The following PPP1R12A variants were observed in gnomAD, a reference collection of about 807,000 sequenced individuals.
The protein encoded by PPP1R12A is protein phosphatase 1 regulatory subunit 12A, also known as myosin binding subunit.
Under a neutral mutation model 139.6 loss-of-function variants are expected in PPP1R12A, and 19 were observed. The ratio of observed to expected loss-of-function variants is 0.14; its 90% CI spans 0.09 to 0.20. PPP1R12A has a LOEUF of 0.20. Ranked by LOEUF, PPP1R12A falls within the 10% of genes least tolerant of loss-of-function variation. PPP1R12A has a pLI of 1.00. For missense variants in PPP1R12A, 925 were observed against 1,211.5 expected (o/e 0.76, Z 3.51); for synonymous variants, 427 against 420.6 (o/e 1.02, Z -0.19).
At chr12:79,913,850 T>A (rs1186981658) in intron 1 of PPP1R12A, 1 of 152,180 alleles carries the variant, frequency 6.6e-6, no homozygotes, top group Non-Finnish European at 1.5e-5. Flanking sequence ...GCTCAGTGTT[T>A]CTCTTAGCCC....
At chr12:79,922,444 A>G (rs1286614489) in intron 1 of PPP1R12A, among the ~76,000 whole-genome samples, 1 of 152,188 alleles carries the variant, frequency 6.6e-6, no homozygotes, top group Admixed American at 6.5e-5. Flanking sequence ...AACTAACCCA[A>G]ATCCCCATCA....
intron 18 of PPP1R12A, 119 bp downstream of exon 18, chr12:79,795,519 G>C: frequency 1.8e-6 from 2 of 1,085,266 alleles, no homozygotes; most frequent in South Asian, 1.7e-5. Context: ...AGAAAACACA[G>C]TGATGATTTA....
rs371885927 is a variant in PPP1R12A at position 79,822,112 on chromosome 12, A to G, written c.867+4T>C. On this transcript the variant is annotated splice_donor_region_variant and intron_variant, in intron 6 of 24. Transcript: ENST00000450142. Reference sequence around the variant, plus strand: ...TATAGGCAATTATTAGTCATCAAACATACCAGATTTTGTTTCTTTTGCAAC... The same window carrying G: ...TATAGGCAATTATTAGTCATCAAACGTACCAGATTTTGTTTCTTTTGCAAC... 10 of 1,525,738 alleles carry G rather than the reference A, an allele frequency of 6.6e-6. No homozygotes were observed. Among genetic ancestry groups the G allele is most frequent in the East Asian group, 4.6e-5 (2 of 43,196 alleles). 94.5% of individuals were successfully genotyped at this position (1,525,738 alleles called of 1,614,324 possible).
At chr12:79,820,552 C>T (rs1161461461) in intron 8 of PPP1R12A, among the ~76,000 whole-genome samples, 2 of 152,012 alleles carry the variant, frequency 1.3e-5, no homozygotes, top group Non-Finnish European at 1.5e-5. Flanking sequence ...AAATATAGGT[C>T]GGCAAAATGC....
intron 1 of PPP1R12A, among the ~76,000 whole-genome samples, chr12:79,880,418 A>T (rs1592761066): frequency 6.6e-6 from 1 of 152,228 alleles, no homozygotes; most frequent in South Asian, 2.1e-4. Context: ...AGTGGTAGAC[A>T]GTATCTGTAA....
chr12:79,877,214 A>G (rs1249052313), intron 1 of PPP1R12A, among the ~76,000 whole-genome samples: 1 of 152,168 alleles, frequency 6.6e-6, no homozygotes, highest in East Asian at 1.9e-4. Flanking sequence ...ATTATTATGT[A>G]TCTTCCCTCT....
chr12:79,907,101 TA>T (rs373337249), intron 1 of PPP1R12A, among the ~76,000 whole-genome samples: 79 of 152,244 alleles, frequency 5.2e-4, no homozygotes, highest in African/African-American at 1.8e-3. Context: ...AAAGGTCTCT[TA>T]GGTATATTAG....
chr12:79,908,095 GA>G (rs1886275255), intron 1 of PPP1R12A, among the ~76,000 whole-genome samples: 1 of 152,140 alleles, frequency 6.6e-6, no homozygotes, highest in African/African-American at 2.4e-5. Context: ...ATCTGGGGTT[GA>G]AAACGTTTAG....
intron 9 of PPP1R12A, among the ~76,000 whole-genome samples, chr12:79,816,359 T>C (rs1426078250): frequency 6.6e-6 from 1 of 151,922 alleles, no homozygotes; most frequent in East Asian, 1.9e-4. Context: ...TACTGACATA[T>C]TTAGGCATGA....
At chr12:79,864,769 T>A (rs1237307854) in intron 2 of PPP1R12A, among the ~76,000 whole-genome samples, 1 of 152,070 alleles carries the variant, frequency 6.6e-6, no homozygotes, top group Non-Finnish European at 1.5e-5. Flanking sequence ...AAGATTAAAC[T>A]AGGAAGAAGT....
At position 79,807,313 on chromosome 12, in the gene PPP1R12A, C is replaced by T. The variant is rs202164787; in HGVS notation, c.1568G>A (p.Arg523Gln). ...EKENRDSSSLRTSSSYTRRKW... is the reference protein window; with the variant it reads ...EKENRDSSSLQTSSSYTRRKW... ...TCTCCTTGTATATGAACTACTTGTT[C>T]GCAAACTTGAAGAATCTCTGTTAAA... is the stretch of plus-strand genomic sequence containing the variant. The change falls in exon 12 of 25, where the codon CGA (arginine) becomes CAA (glutamine). Residue 523 changes from arginine (R) to glutamine (Q), a missense_variant. By Grantham distance (43) the Arg-to-Gln change is conservative. This residue lies in a region of PPP1R12A where 403 missense variants were observed against 463.7 expected (regional missense o/e 0.87). Transcript: ENST00000450142. 3.9e-4 allele frequency: 597 copies of T among 1,548,518 alleles called. No individual in the cohort carries two copies. The highest frequency in any genetic ancestry group is 3.0e-4 in the Non-Finnish European group (342 of 1,144,796).
intron 22 of PPP1R12A, among the ~76,000 whole-genome samples, chr12:79,783,807 A>G (rs1439218679): frequency 6.6e-6 from 1 of 152,246 alleles, no homozygotes; most frequent in African/African-American, 2.4e-5. Context: ...AAACATTAAC[A>G]TCAGTTTAGA....
At chr12:79,913,433 G>A (rs1886750460) in intron 1 of PPP1R12A, among the ~76,000 whole-genome samples, 1 of 152,194 alleles carries the variant, frequency 6.6e-6, no homozygotes, top group South Asian at 2.1e-4. Context: ...AGGTTGACAA[G>A]ACTCTCTTTT....
At chr12:79,914,849 G>A (rs1484863345) in intron 1 of PPP1R12A, among the ~76,000 whole-genome samples, 1 of 151,320 alleles carries the variant, frequency 6.6e-6, no homozygotes, top group Non-Finnish European at 1.5e-5. Flanking sequence ...CAAAAAATCT[G>A]GTTTTCTATT....
intron 1 of PPP1R12A, among the ~76,000 whole-genome samples, chr12:79,874,473 T>C (rs1364084922): frequency 6.6e-6 from 1 of 151,894 alleles, no homozygotes; most frequent in Non-Finnish European, 1.5e-5. Flanking sequence ...CAAGAAAAAA[T>C]GAATTAGTTA....
At chr12:79,831,934 A>G (rs1246702028) in intron 4 of PPP1R12A, among the ~76,000 whole-genome samples, 7 of 152,178 alleles carry the variant, frequency 4.6e-5, no homozygotes, top group African/African-American at 1.7e-4. Context: ...TTACATGTAA[A>G]TAAATATTCT....
chr12:79,910,376 A>G (rs1422940804), intron 1 of PPP1R12A, among the ~76,000 whole-genome samples: 1 of 152,070 alleles, frequency 6.6e-6, no homozygotes. Flanking sequence ...GCTACTCGGG[A>G]GGCTGAGGCA....
intron 2 of PPP1R12A, among the ~76,000 whole-genome samples, chr12:79,861,930 T>A (rs1273744283): frequency 6.6e-6 from 1 of 152,110 alleles, no homozygotes; most frequent in Non-Finnish European, 1.5e-5. Flanking sequence ...GACTTAAACG[T>A]CTGTGCCTAA....
At chr12:79,817,616 T>C in intron 8 of PPP1R12A, 98 bp from the exon 9 acceptor site, 1 of 1,231,932 alleles carries the variant, frequency 8.1e-7, no homozygotes, top group East Asian at 2.7e-5. Context: ...TTTAAGGTTT[T>C]GTTAACTAAA....
Sources: allele counts gnomAD v4.1 joint callset (sites outside exome capture counted in the v4.1 genomes callset), GRCh38; gene constraint gnomAD v4.1.1; regional missense constraint gnomAD v4.1.1; transcripts MANE v1.5; gene names NCBI Gene and HGNC (gene_info 2026-07-23, HGNC 2026-07-21).